PACRG: variants seen among roughly 807,000 people sequenced by gnomAD.
The protein encoded by PACRG is parkin coregulated gene protein.
A neutral mutation model predicts 29.7 loss-of-function variants in PACRG; 29 were observed. The observed-to-expected ratio is 0.98, with a 90% CI of 0.73 to 1.33. The LOEUF is 1.33. Ranked by LOEUF, PACRG falls within the 40% of genes most tolerant of loss-of-function variation. PACRG has a pLI of 0.00. For synonymous variants in PACRG, 116 were observed against 118.7 expected (o/e 0.98, Z 0.15); for missense variants, 279 against 316.2 (o/e 0.88, Z 0.89).
chr6:162,984,218 T>A (rs1198272783), intron 2 of PACRG, among the ~76,000 whole-genome samples: 1 of 152,046 alleles, frequency 6.6e-6, no homozygotes, highest in East Asian at 1.9e-4. Flanking sequence ...ATCATTCTTA[T>A]GCCTTTGCAT....
At chr6:163,258,304 A>G (rs1783192331) in intron 4 of PACRG, among the ~76,000 whole-genome samples, 1 of 152,158 alleles carries the variant, frequency 6.6e-6, no homozygotes, top group Non-Finnish European at 1.5e-5. Flanking sequence ...ATACCTTTTT[A>G]GTGTATGCTG....
intron 1 of PACRG, among the ~76,000 whole-genome samples, chr6:162,753,225 C>T (rs1371952182): frequency 6.6e-6 from 1 of 151,966 alleles, no homozygotes; most frequent in African/African-American, 2.4e-5. Context: ...ACTTTGCACC[C>T]TTCGATCAAC....
At position 163,131,052 on chromosome 6, in the gene PACRG, A is replaced by G. The variant is rs1234281381; in HGVS notation, c.613+41644A>G. Among the ~76,000 whole-genome samples, 3 of 152,190 alleles carry G rather than the reference A, an allele frequency of 2.0e-5. No individual in the cohort carries two copies. In the East Asian group the frequency reaches 5.8e-4, roughly 29 times the overall value. ...GCCGGGCGCAGTGGCTCAAGCCTGT[A>G]ATCCCAGCACTTTGGGAGGCCGAGG... On this transcript the variant is annotated intron_variant, in intron 4 of 4. Coordinates refer to ENST00000366888, the MANE Select transcript of PACRG (RefSeq NM_001080379.2).
intron 2 of PACRG, among the ~76,000 whole-genome samples, chr6:162,829,651 C>T (rs1234318512): frequency 6.6e-6 from 1 of 152,138 alleles, no homozygotes; most frequent in African/African-American, 2.4e-5. Context: ...ATTCATATTA[C>T]CTAGCAATGA....
In PACRG at chr6:163,305,429, C is replaced by T. The variant is rs530052656; in HGVS notation, c.614-9398C>T. ...CTCGTGCCTCTGGTCCAATACCAGG[C>T]GTCCGTCCACTAAGTAGCAATGACG... On this transcript the variant is annotated intron_variant, in intron 4 of 4. Transcript: ENST00000366888. Among the ~76,000 whole-genome samples the T allele has an allele frequency of 2.1e-4, 32 of 152,296 alleles. 1 individual carries two copies. The highest frequency in any genetic ancestry group is 6.5e-4 in the African/African-American group (27 of 41,574).
At chr6:163,164,770 G>A (rs761840928) in intron 4 of PACRG, among the ~76,000 whole-genome samples, 2 of 152,188 alleles carry the variant, frequency 1.3e-5, no homozygotes, top group Non-Finnish European at 2.9e-5. Flanking sequence ...ATGGTTTAGA[G>A]ACAGAAACCT....
At chr6:163,176,154 G>A (rs1206107432) in intron 4 of PACRG, among the ~76,000 whole-genome samples, 1 of 152,168 alleles carries the variant, frequency 6.6e-6, no homozygotes, top group Non-Finnish European at 1.5e-5. Flanking sequence ...TCTATAGTCT[G>A]CATAGAGAAT....
chr6:163,132,158 T>A (rs1816766790), intron 4 of PACRG, among the ~76,000 whole-genome samples: 1 of 152,222 alleles, frequency 6.6e-6, no homozygotes, highest in Non-Finnish European at 1.5e-5. Flanking sequence ...TAAGATTTAT[T>A]TTATTTAAGA....
intron 3 of PACRG, among the ~76,000 whole-genome samples, chr6:163,079,262 A>G (rs962313458): frequency 6.6e-6 from 1 of 152,154 alleles, no homozygotes; most frequent in East Asian, 1.9e-4. Flanking sequence ...TTTGGATTCT[A>G]TAACATTCAT....
rs138116897 is a variant in PACRG, at chr6:162,747,172, C to T, written c.156+18781C>T. On this transcript the variant is annotated intron_variant, in intron 1 of 4. Coordinates refer to ENST00000366888, the MANE Select transcript of PACRG (RefSeq NM_001080379.2). ...GGCACGGGTTAATCAGCTGCCAGCA[C>T]GGCTAGAATATAAGCAGGCAGAAAA... Among the ~76,000 whole-genome samples the T allele has an allele frequency of 2.8e-3, 427 of 150,988 alleles. 1 individual carries two copies. The highest frequency in any genetic ancestry group is 9.3e-3 in the African/African-American group (380 of 41,066).
In PACRG at chr6:163,242,279, A is replaced by G. The variant is rs536020292; in HGVS notation, c.614-72548A>G. Among the ~76,000 whole-genome samples the G allele has an allele frequency of 4.0e-4, 61 of 152,332 alleles. 1 individual carries two copies. In the South Asian group the frequency reaches 5.4e-3, roughly 13 times the overall value. On this transcript the variant is annotated intron_variant, in intron 4 of 4. Transcript: ENST00000366888. ...GATTATCATCTGATGAATTGCACTAAAAGCAAATCACTAACAGATAGATCA... is the reference window on the plus strand; with the variant it reads ...GATTATCATCTGATGAATTGCACTAGAAGCAAATCACTAACAGATAGATCA...
At chr6:162,992,048 AT>A (rs1173163002) in intron 2 of PACRG, among the ~76,000 whole-genome samples, 2 of 140,282 alleles carry the variant, frequency 1.4e-5, no homozygotes, top group Non-Finnish European at 3.0e-5. Flanking sequence ...ACATTTATTG[AT>A]TTGCGTATAT....
chr6:163,014,017 T>A (rs545701975), intron 2 of PACRG, among the ~76,000 whole-genome samples: 48 of 152,290 alleles, frequency 3.2e-4, no homozygotes, highest in Admixed American at 1.0e-3. Context: ...TTTTGTAATA[T>A]ACGTCACATA....
At chr6:163,190,894 C>T (rs536174934) in intron 4 of PACRG, 24 of 454,918 alleles carry the variant, frequency 5.3e-5, no homozygotes, top group South Asian at 1.9e-4. Context: ...ACAAACAGCT[C>T]CAAGCACACT....
At chr6:162,947,609 A>ATAT (rs1562767218) in intron 2 of PACRG, among the ~76,000 whole-genome samples, 1 of 32,624 alleles carries the variant, frequency 3.1e-5, no homozygotes, top group East Asian at 7.4e-4. Flanking sequence ...TATATATATA[A>ATAT]TCATATATAT....
At chr6:163,190,813 A>G in intron 4 of PACRG, 1 of 371,640 alleles carries the variant, frequency 2.7e-6, no homozygotes, top group Non-Finnish European at 5.4e-6. Context: ...AAAGTCAGAA[A>G]CAACTTAACA....
intron 2 of PACRG, among the ~76,000 whole-genome samples, chr6:162,819,266 G>A (rs183269277): frequency 2.0e-3 from 300 of 152,192 alleles, no homozygotes; most frequent in Middle Eastern, 6.8e-3. Context: ...ATCTCACCAT[G>A]GAGGCAAATT....
chr6:163,054,977 A>G (rs1239752222), intron 2 of PACRG, among the ~76,000 whole-genome samples: 5 of 152,184 alleles, frequency 3.3e-5, no homozygotes, highest in Middle Eastern at 3.2e-3. Context: ...TGTTGGGGGT[A>G]CAACTTCACC....
At chr6:162,783,467 T>C (rs1214400777) in intron 1 of PACRG, among the ~76,000 whole-genome samples, 2 of 151,988 alleles carry the variant, frequency 1.3e-5, no homozygotes, top group African/African-American at 4.8e-5. Context: ...ACTGGCAAAA[T>C]GAAATTATAA....
Sources: gnomAD v4.1 joint callset for allele counts (sites outside exome capture counted in the v4.1 genomes callset) on GRCh38, gnomAD v4.1.1 for gene constraint, MANE v1.5 for transcripts, NCBI Gene and HGNC (gene_info 2026-07-23, HGNC 2026-07-21) for gene names.